The following PEBP4 variants were observed in gnomAD, a reference collection of about 807,000 sequenced individuals.
PEBP4 encodes phosphatidylethanolamine binding protein 4, also known as phosphatidylethanolamine-binding protein 4.
A neutral mutation model predicts 23.9 loss-of-function variants in PEBP4; 22 were observed. The ratio of observed to expected loss-of-function variants is 0.92; its 90% CI spans 0.66 to 1.31. The LOEUF is 1.31. PEBP4 is among the 40% of genes most tolerant of loss of function. The pLI is 0.00. For missense variants in PEBP4, 324 were observed against 281.7 expected (o/e 1.15, Z -1.07); for synonymous variants, 112 against 99.3 (o/e 1.13, Z -0.76).
At chr8:22,915,236 T>C (rs1380274982) in intron 3 of PEBP4, among the ~76,000 whole-genome samples, 1 of 152,062 alleles carries the variant, frequency 6.6e-6, no homozygotes, top group Non-Finnish European at 1.5e-5. Flanking sequence ...CCTTCCCAAA[T>C]TGCAAATCTG....
At chr8:22,772,722 T>A (rs11784334) in intron 4 of PEBP4, among the ~76,000 whole-genome samples, 59,633 of 151,984 alleles carry the variant, frequency 0.39, 13,094 homozygotes, top group Admixed American at 0.48. Flanking sequence ...GAGAGGCTGG[T>A]CTGGGACCCA....
chr8:22,832,820 T>C (rs1807114980), intron 3 of PEBP4, among the ~76,000 whole-genome samples: 1 of 152,094 alleles, frequency 6.6e-6, no homozygotes, highest in Admixed American at 6.5e-5. Flanking sequence ...GGCTAATTCC[T>C]AGAGATAGCA....
At chr8:22,824,899 C>A (rs1004138006) in intron 3 of PEBP4, among the ~76,000 whole-genome samples, 6 of 152,184 alleles carry the variant, frequency 3.9e-5, no homozygotes, top group Non-Finnish European at 8.8e-5. Context: ...TGCTGTGTGG[C>A]CCAGTTCCTA....
rs150680310 is a variant in PEBP4, at chr8:22,894,459, G to C, written c.258+25725C>G. Among the ~76,000 whole-genome samples the C allele has an allele frequency of 1.4e-3, 210 of 152,238 alleles. 1 individual carries two copies. The highest frequency in any genetic ancestry group is 5.7e-3 in the Admixed American group (87 of 15,296). On this transcript the variant is annotated intron_variant, in intron 3 of 6. Transcript: ENST00000256404. ...ATTCCAAGCATAGTGGCATGTGCCT[G>C]TAGTCCCAGCTACTCAGGAGGCTGA...
chr8:22,741,857 G>A (rs1805002516), intron 4 of PEBP4, among the ~76,000 whole-genome samples: 2 of 152,180 alleles, frequency 1.3e-5, no homozygotes, highest in South Asian at 4.1e-4. Flanking sequence ...ATGAGTCTTT[G>A]CACAACCATG....
intron 3 of PEBP4, among the ~76,000 whole-genome samples, chr8:22,883,771 T>C (rs1287476600): frequency 6.6e-6 from 1 of 152,234 alleles, no homozygotes; most frequent in African/African-American, 2.4e-5. Context: ...GTACACTGAA[T>C]GCATCTGTTC....
At chr8:22,752,257 T>G (rs4872550) in intron 4 of PEBP4, among the ~76,000 whole-genome samples, 135,296 of 152,118 alleles carry the variant, frequency 0.89, 60,744 homozygotes, top group East Asian at 1. Flanking sequence ...AGGAGATGGG[T>G]GTTTTCAGGC....
At chr8:22,929,377 G>A (rs961851613), upstream of PEBP4, among the ~76,000 whole-genome samples, 2 of 152,186 alleles carry the variant, frequency 1.3e-5, no homozygotes, top group Non-Finnish European at 2.9e-5. Context: ...TCTTCCAAAT[G>A]GCATCCACTA....
At chr8:22,811,695 T>A (rs957605232) in intron 4 of PEBP4, among the ~76,000 whole-genome samples, 1 of 152,112 alleles carries the variant, frequency 6.6e-6, no homozygotes, top group Non-Finnish European at 1.5e-5. Flanking sequence ...AGGGGATCCC[T>A]AGAGGTGGAA....
intron 3 of PEBP4, chr8:22,883,970 T>C (rs1808318146): frequency 6.6e-6 from 1 of 152,180 alleles, no homozygotes; most frequent in Admixed American, 6.5e-5. Context: ...TTCACACATA[T>C]TTATGTTGGA....
chr8:22,738,318 C>T (rs372411728), intron 4 of PEBP4, among the ~76,000 whole-genome samples: 1 of 152,030 alleles, frequency 6.6e-6, no homozygotes, highest in Non-Finnish European at 1.5e-5. Context: ...CTCAGGAGAG[C>T]GAGTCAGAGG....
chr8:22,725,865 C>T (rs909948856), intron 5 of PEBP4, among the ~76,000 whole-genome samples: 12 of 152,148 alleles, frequency 7.9e-5, no homozygotes, highest in East Asian at 1.9e-4. Flanking sequence ...AACAAAAGCA[C>T]GACTTGCTGC....
At chr8:22,779,438 G>A (rs1482170993) in intron 4 of PEBP4, among the ~76,000 whole-genome samples, 2 of 152,110 alleles carry the variant, frequency 1.3e-5, no homozygotes, top group Admixed American at 1.3e-4. Flanking sequence ...TTTTTATGGC[G>A]TCACGGAGGT....
intron 3 of PEBP4, among the ~76,000 whole-genome samples, chr8:22,890,203 C>G (rs1274317584): frequency 2.6e-5 from 4 of 152,150 alleles, no homozygotes; most frequent in African/African-American, 9.7e-5. Flanking sequence ...AGGTGAAAGG[C>G]AAGAGAACAT....
intron 3 of PEBP4, among the ~76,000 whole-genome samples, chr8:22,832,433 C>T (rs1369578524): frequency 1.3e-5 from 2 of 152,184 alleles, no homozygotes; most frequent in Non-Finnish European, 2.9e-5. Flanking sequence ...ACTGAATCTG[C>T]TGGCACATTG....
rs149859140 is a variant in PEBP4 at position 22,766,201 on chromosome 8, G to C, written c.358-38981C>G. ...AGGCCATCAGGTGAGAGGATGTGGT[G>C]TGGAGGATGTGTGCTTCAGGGTCGG... is the stretch of plus-strand genomic sequence containing the variant. On this transcript the variant is annotated intron_variant, in intron 4 of 6. Coordinates refer to ENST00000256404, the MANE Select transcript of PEBP4 (RefSeq NM_144962.3). Among the ~76,000 whole-genome samples the C allele has an allele frequency of 1.8e-3, 270 of 152,366 alleles. 3 individuals are homozygous for C. The highest frequency in any genetic ancestry group is 6.3e-3 in the African/African-American group (260 of 41,580).
In PEBP4 at chr8:22,920,209, A is replaced by G. The variant is rs201313384; in HGVS notation, c.233T>C (p.Ile78Thr). Residue 78 changes from isoleucine (I) to threonine (T), a missense_variant, in exon 3 of 7, where the codon ATA becomes ACA. By Grantham distance (89) the Ile-to-Thr change is moderately conservative. Coordinates refer to ENST00000256404, the MANE Select transcript of PEBP4 (RefSeq NM_144962.3). Reference sequence around the variant, plus strand: ...GTCCACGGCCCCCGGGAACTTGACTATCGGCTCCATCCAGGAGGTGATCTT... The same window carrying G: ...GTCCACGGCCCCCGGGAACTTGACTGTCGGCTCCATCCAGGAGGTGATCTT... Reference protein sequence around the residue: ...RQKITSWMEPIVKFPGAVDGA... With the variant: ...RQKITSWMEPTVKFPGAVDGA... 3.0e-5 allele frequency: 49 copies of G among 1,609,118 alleles called. 1 individual carries two copies. In the African/African-American group the frequency reaches 5.4e-4, roughly 18 times the overall value.
At chr8:22,828,907 TG>T (rs996938858) in intron 3 of PEBP4, among the ~76,000 whole-genome samples, 10 of 152,198 alleles carry the variant, frequency 6.6e-5, no homozygotes, top group African/African-American at 2.4e-4. Flanking sequence ...TGAAGCTGCT[TG>T]TCATCCCCCA....
chr8:22,913,827 TAG>T (rs1485352923), intron 3 of PEBP4, among the ~76,000 whole-genome samples: 2 of 152,194 alleles, frequency 1.3e-5, no homozygotes, highest in Admixed American at 6.5e-5. Flanking sequence ...CTTATTTATT[TAG>T]AGTTGGGGTC....
Sources: allele counts gnomAD v4.1 joint callset (sites outside exome capture counted in the v4.1 genomes callset), GRCh38; gene constraint gnomAD v4.1.1; transcripts MANE v1.5; gene names NCBI Gene and HGNC (gene_info 2026-07-23, HGNC 2026-07-21).